Variants in ADAMTS18 observed in about 807,000 individuals in gnomAD.
ADAMTS18 encodes A disintegrin and metalloproteinase with thrombospondin motifs 18.
ADAMTS18 carries 157 observed loss-of-function variants against 165.9 expected under a neutral mutation model. That is an observed-to-expected ratio of 0.95 (90% CI 0.83 to 1.08). The LOEUF (loss-of-function observed/expected upper bound fraction) is 1.08. ADAMTS18 is among the 50% of genes least tolerant of loss of function. ADAMTS18 has a pLI of 0.00. For synonymous variants in ADAMTS18, 782 were observed against 578.2 expected (o/e 1.35, Z -5.06); for missense variants, 2,040 against 1,534.0 (o/e 1.33, Z -5.51).
chr16:77,408,747 G>C (rs1232909990), intron 3 of ADAMTS18, among the ~76,000 whole-genome samples: 1 of 152,148 alleles, frequency 6.6e-6, no homozygotes, highest in Non-Finnish European at 1.5e-5. Flanking sequence ...CTTTTGCAAT[G>C]ATGGTGACAT....
chr16:77,401,047 G>A (rs1460283156), intron 3 of ADAMTS18, among the ~76,000 whole-genome samples: 1 of 152,142 alleles, frequency 6.6e-6, no homozygotes, highest in Non-Finnish European at 1.5e-5. Context: ...CCTGAGGTCA[G>A]GAGTTTGAGA....
At position 77,293,109 on chromosome 16, in the gene ADAMTS18, G is replaced by A. The variant is rs2144571026; in HGVS notation, c.3156C>T (p.Ser1052=). ...ACGAAGAAGCGACCCACTGTAGCCG[G>A]CTGTTCTTGGGGCATCGTCCAAGCA... ...GCVLGRCPKN[S]RLQWVASSWS... is the part of the protein sequence containing the mutation. Residue 1052 remains serine, a synonymous_variant, in exon 20 of 23, where the codon AGC becomes AGT. Transcript: ENST00000282849. 6.2e-7 allele frequency: 1 copy of A among 1,613,984 alleles called. No individual in the cohort carries two copies. Among genetic ancestry groups the A allele is most frequent in the African/African-American group, 1.3e-5 (1 of 74,964 alleles).
At chr16:77,375,100 C>A (rs930167576) in intron 3 of ADAMTS18, among the ~76,000 whole-genome samples, 1 of 152,070 alleles carries the variant, frequency 6.6e-6, no homozygotes, top group Non-Finnish European at 1.5e-5. Flanking sequence ...TGAGACAGAT[C>A]TGTGGTCTCC....
chr16:77,434,362 G>T, intron 2 of ADAMTS18, 56 bp downstream of exon 2: 1 of 1,528,188 alleles, frequency 6.5e-7, no homozygotes, highest in South Asian at 1.2e-5. Context: ...TTTGGGGGAA[G>T]GAAGGGTCAA....
intron 8 of ADAMTS18, 109 bp downstream of exon 8, chr16:77,359,209 C>A (rs2056674697): frequency 5.2e-6 from 5 of 964,212 alleles, no homozygotes; most frequent in African/African-American, 1.6e-5. Flanking sequence ...AAGCTTTACA[C>A]AAGACTGATC....
At chr16:77,410,207 C>T (rs1262854036) in intron 3 of ADAMTS18, among the ~76,000 whole-genome samples, 9 of 151,312 alleles carry the variant, frequency 5.9e-5, no homozygotes, top group East Asian at 3.9e-4. Flanking sequence ...TTTTATGTTA[C>T]TCTATGATAT....
chr16:77,323,834 G>A (rs2056047069), intron 13 of ADAMTS18, among the ~76,000 whole-genome samples: 1 of 152,150 alleles, frequency 6.6e-6, no homozygotes, highest in Admixed American at 6.5e-5. Context: ...CTAAGGCAGG[G>A]AGTCTATGTT....
intron 5 of ADAMTS18, 74 bp downstream of exon 5, chr16:77,364,114 T>G (rs1567514813): frequency 1.3e-5 from 21 of 1,587,290 alleles, no homozygotes; most frequent in Non-Finnish European, 1.8e-5. Flanking sequence ...CACCTGCTAT[T>G]CAACCCATGC....
chr16:77,407,594 A>G (rs956710496), intron 3 of ADAMTS18, among the ~76,000 whole-genome samples: 1 of 152,096 alleles, frequency 6.6e-6, no homozygotes, highest in Non-Finnish European at 1.5e-5. Context: ...TAGAATAAAG[A>G]CTTTTTTAAA....
At chr16:77,306,872 C>T (rs544326108) in intron 16 of ADAMTS18, among the ~76,000 whole-genome samples, 1 of 152,306 alleles carries the variant, frequency 6.6e-6, no homozygotes, top group African/African-American at 2.4e-5. Flanking sequence ...ACTCAAGTCT[C>T]TGGTCTTGTT....
intron 22 of ADAMTS18, among the ~76,000 whole-genome samples, chr16:77,286,202 C>A (rs1273976154): frequency 6.6e-6 from 1 of 152,154 alleles, no homozygotes; most frequent in East Asian, 1.9e-4. Context: ...TCTCCTAGAG[C>A]CATATGTGGT....
intron 3 of ADAMTS18, among the ~76,000 whole-genome samples, chr16:77,383,020 G>C (rs1377596957): frequency 2.0e-5 from 3 of 152,160 alleles, no homozygotes; most frequent in African/African-American, 7.2e-5. Context: ...GCTCCAAACT[G>C]ACATCCTATG....
At chr16:77,393,431 C>G (rs981545348) in intron 3 of ADAMTS18, among the ~76,000 whole-genome samples, 9 of 152,178 alleles carry the variant, frequency 5.9e-5, no homozygotes, top group African/African-American at 9.7e-5. Flanking sequence ...GACATACAGA[C>G]TAGCTGCTAT....
intron 3 of ADAMTS18, among the ~76,000 whole-genome samples, chr16:77,418,890 C>T (rs1232625658): frequency 6.6e-6 from 1 of 152,210 alleles, no homozygotes; most frequent in Non-Finnish European, 1.5e-5. Flanking sequence ...GCAGCTCACG[C>T]CTGTAATCCC....
At chr16:77,297,631 A>T (rs1019076780) in intron 17 of ADAMTS18, among the ~76,000 whole-genome samples, 2 of 152,196 alleles carry the variant, frequency 1.3e-5, no homozygotes, top group Admixed American at 1.3e-4. Flanking sequence ...TAATTGTAAC[A>T]TGTAGATTAT....
intron 12 of ADAMTS18, among the ~76,000 whole-genome samples, chr16:77,327,459 CA>C (rs2056115130): frequency 6.6e-6 from 1 of 152,148 alleles, no homozygotes; most frequent in African/African-American, 2.4e-5. Flanking sequence ...GAGTTTATGG[CA>C]GCACAATTTG....
chr16:77,316,408 C>T (rs929558799), intron 16 of ADAMTS18, among the ~76,000 whole-genome samples: 1 of 152,066 alleles, frequency 6.6e-6, no homozygotes, highest in African/African-American at 2.4e-5. Flanking sequence ...GCATGCGCCA[C>T]CATACCCAGC....
At chr16:77,380,632 G>A (rs1290927733) in intron 3 of ADAMTS18, among the ~76,000 whole-genome samples, 3 of 152,104 alleles carry the variant, frequency 2.0e-5, no homozygotes, top group Non-Finnish European at 2.9e-5. Context: ...ATGTTAAAAT[G>A]CATATAGTTT....
At chr16:77,289,494 G>T in intron 21 of ADAMTS18, 83 bp from the exon 22 acceptor site, 1 of 1,520,416 alleles carries the variant, frequency 6.6e-7, no homozygotes, top group South Asian at 1.1e-5. Context: ...CATGCTTCAT[G>T]ACATTAACAA....
Sources: gnomAD v4.1 joint callset for allele counts (sites outside exome capture counted in the v4.1 genomes callset) on GRCh38, gnomAD v4.1.1 for gene constraint, MANE v1.5 for transcripts, NCBI Gene and HGNC (gene_info 2026-07-23, HGNC 2026-07-21) for gene names.